The following TEX10 variants were observed in gnomAD, a reference collection of about 807,000 sequenced individuals.
TEX10 encodes the protein testis expressed 10, also known as testis-expressed protein 10.
A neutral mutation model predicts 104.4 loss-of-function variants in TEX10; 24 were observed. The ratio of observed to expected loss-of-function variants is 0.23; its 90% confidence interval spans 0.17 to 0.32. The LOEUF is 0.32. Among genes scored for constraint, TEX10 ranks in the 10% least tolerant of loss-of-function variants. TEX10 has a pLI of 1.00. For missense variants in TEX10, 921 were observed against 1,083.9 expected (o/e 0.85, Z 2.11); for synonymous variants, 396 against 393.4 (o/e 1.01, Z -0.08).
chr9:100,315,286 G>C, intron 11 of TEX10, among the ~76,000 whole-genome samples: 1 of 152,128 alleles, frequency 6.6e-6, no homozygotes, highest in East Asian at 1.9e-4. Flanking sequence ...TTAGTCTAAA[G>C]TTCAACTTAA....
intron 4 of TEX10, among the ~76,000 whole-genome samples, chr9:100,344,336 TA>T (rs1174619875): frequency 6.6e-6 from 1 of 152,184 alleles, no homozygotes; most frequent in African/African-American, 2.4e-5. Flanking sequence ...TAAATATCCA[TA>T]AAACTAAAGC....
At chr9:100,346,397 TACTAGTAAAATGAAGC>T (rs1835299880) in intron 3 of TEX10, 82 bp from the exon 4 acceptor site, 2 of 1,435,744 alleles carry the variant, frequency 1.4e-6, no homozygotes, top group Non-Finnish European at 9.3e-7. Context: ...AAATATAAAG[TACTAGTAAAATGAAGC>T]ACCATGAACT....
intron 11 of TEX10, among the ~76,000 whole-genome samples, chr9:100,315,030 C>T (rs531551085): frequency 9.2e-5 from 14 of 152,320 alleles, no homozygotes; most frequent in Non-Finnish European, 1.3e-4. Context: ...TTTTGCAATA[C>T]ATTAATGCAA....
chr9:100,336,023 C>G (rs952751001), intron 5 of TEX10, among the ~76,000 whole-genome samples: 1 of 151,540 alleles, frequency 6.6e-6, no homozygotes, highest in Non-Finnish European at 1.5e-5. Context: ...AAAAATTAGC[C>G]GGGCATAGTG....
At chr9:100,335,369 A>AT (rs1564215131) in intron 5 of TEX10, among the ~76,000 whole-genome samples, 1 of 151,848 alleles carries the variant, frequency 6.6e-6, no homozygotes, top group Non-Finnish European at 1.5e-5. Context: ...TGCCCAGCTA[A>AT]TTTTTTGTAT....
chr9:100,340,455 A>T, intron 4 of TEX10, 86 bp from the exon 5 acceptor site: 1 of 748,274 alleles, frequency 1.3e-6, no homozygotes, highest in Non-Finnish European at 2.2e-6. Flanking sequence ...CAACTTGTCA[A>T]ATAAATGTCC....
chr9:100,329,948 T>G lies in TEX10; in HGVS notation c.1472A>C (p.Gln491Pro). 6.2e-7 allele frequency: 1 copy of G among 1,611,514 alleles called. No individual in the cohort carries two copies. Among genetic ancestry groups the G allele is most frequent in the Non-Finnish European group, 8.5e-7 (1 of 1,178,318 alleles). The change falls in exon 6 of 15, where the codon CAA becomes CCA. Residue 491 changes from glutamine (Q) to proline (P), a missense_variant. Transcript: ENST00000374902. ...TCACCTACCTCTGTTTGGCTGTATT[T>G]GCATTAACCTCCAGGATACTCCCAG... is the stretch of plus-strand genomic sequence containing the variant. ...RLLGVSWRLM[Q>P]IQPNREDTET...
rs1413544986 is a variant in TEX10, at chr9:100,315,597, T to A, written c.2202+4668A>T. Among the ~76,000 whole-genome samples, 6 of 152,366 alleles carry A rather than the reference T, an allele frequency of 3.9e-5. No homozygotes were observed. The East Asian group carries it at 1.2e-3, about 29-fold the overall frequency. ...TTACCTGTAAAAGTATAGCTACTCCTGCTCACTTGTGGTTTGTTTGTATGA... is the reference window on the plus strand; with the variant it reads ...TTACCTGTAAAAGTATAGCTACTCCAGCTCACTTGTGGTTTGTTTGTATGA... On this transcript the variant is annotated intron_variant, in intron 11 of 14. Coordinates refer to ENST00000374902, the MANE Select transcript of TEX10 (RefSeq NM_017746.4).
chr9:100,308,626 C>T lies in TEX10; in HGVS notation c.2339G>A (p.Cys780Tyr). Residue 780 changes from cysteine to tyrosine, a missense_variant, in exon 13 of 15, where the codon TGT becomes TAT. This residue lies in a region of TEX10 where 753 missense variants were observed against 868.4 expected (regional missense o/e 0.87). Coordinates refer to ENST00000374902, the MANE Select transcript of TEX10 (RefSeq NM_017746.4). ...TACACAAGTATGATCCAGGAGCTTA[C>T]AGATAACACCAAAAACACAGCCAGC... ...STAGCVFGVI[C>Y]KLLDHTCVVS... 1 of 1,610,716 alleles carries T rather than the reference C, an allele frequency of 6.2e-7. No homozygotes were observed. The highest frequency in any genetic ancestry group is 8.5e-7 in the Non-Finnish European group (1 of 1,178,434).
chr9:100,351,456 C>T (rs117919794), intron 1 of TEX10, among the ~76,000 whole-genome samples: 2,082 of 151,896 alleles, frequency 0.014, 24 homozygotes, highest in Non-Finnish European at 0.023. Context: ...TGATACTCAC[C>T]TGGCCTCTTT....
At chr9:100,313,887 CT>C (rs1834345353) in intron 11 of TEX10, among the ~76,000 whole-genome samples, 1 of 151,616 alleles carries the variant, frequency 6.6e-6, no homozygotes, top group Non-Finnish European at 1.5e-5. Context: ...GGAACGTAGC[CT>C]TCTTTTCTCA....
intron 7 of TEX10, among the ~76,000 whole-genome samples, chr9:100,328,806 A>G (rs1454360575): frequency 1.3e-5 from 2 of 152,150 alleles, no homozygotes; most frequent in African/African-American, 4.8e-5. Context: ...ATATGCCTCA[A>G]TATGTCACTA....
chr9:100,350,614 T>G (rs2118946112), intron 1 of TEX10, among the ~76,000 whole-genome samples: 1 of 152,310 alleles, frequency 6.6e-6, no homozygotes, highest in East Asian at 1.9e-4. Flanking sequence ...ATAAAACTTC[T>G]GCTAATCTCC....
intron 11 of TEX10, among the ~76,000 whole-genome samples, chr9:100,315,657 G>A (rs1834397375): frequency 6.6e-6 from 1 of 152,074 alleles, no homozygotes; most frequent in African/African-American, 2.4e-5. Context: ...CCAGCTTTCA[G>A]CCAATAAAGT....
intron 6 of TEX10, among the ~76,000 whole-genome samples, 169 bp downstream of exon 6, chr9:100,329,762 G>T (rs977653830): frequency 1.3e-5 from 2 of 152,054 alleles, no homozygotes; most frequent in Non-Finnish European, 2.9e-5. Flanking sequence ...GAGATACTCT[G>T]AGCCATAAAC....
intron 11 of TEX10, among the ~76,000 whole-genome samples, chr9:100,311,107 C>T (rs959179986): frequency 6.6e-6 from 1 of 151,980 alleles, no homozygotes; most frequent in Non-Finnish European, 1.5e-5. Context: ...TATTAAGAAA[C>T]GTTTTTCAGC....
At chr9:100,340,200 G>A in intron 5 of TEX10, 57 bp downstream of exon 5, 2 of 1,066,800 alleles carry the variant, frequency 1.9e-6, no homozygotes, top group African/African-American at 1.7e-5. Flanking sequence ...ATTACTTCCT[G>A]ATAATTTCAG....
chr9:100,351,805 C>T lies in TEX10; in HGVS notation c.-10+967G>A, dbSNP rs561929444. On this transcript the variant is annotated intron_variant, in intron 1 of 14. Transcript: ENST00000374902. ...ATACAAAGCATTTTCATGCGAAGAA[C>T]TCTCAAAGTTCTACTAGTAATTGAC... 2.0e-5 allele frequency among the ~76,000 whole-genome samples: 3 copies of T among 152,306 alleles called. No homozygotes were observed. In the South Asian group the frequency reaches 6.2e-4, roughly 32 times the overall value.
At chr9:100,347,629 T>C (rs1472892039) in intron 2 of TEX10, among the ~76,000 whole-genome samples, 2 of 152,220 alleles carry the variant, frequency 1.3e-5, no homozygotes, top group African/African-American at 4.8e-5. Flanking sequence ...TTTCTCTCTT[T>C]ACATTAACCT....
Sources: gnomAD v4.1 joint callset for allele counts (sites outside exome capture counted in the v4.1 genomes callset) on GRCh38, gnomAD v4.1.1 for gene constraint, gnomAD v4.1.1 regional missense constraint, MANE v1.5 for transcripts, NCBI Gene and HGNC (gene_info 2026-07-23, HGNC 2026-07-21) for gene names.